NBEAL1: variants seen among roughly 807,000 people sequenced by gnomAD.
The protein encoded by NBEAL1 is neurobeachin-like protein 1.
NBEAL1 carries 273 observed loss-of-function variants against 351.3 expected under a neutral mutation model. The observed-to-expected ratio is 0.78, with a 90% CI of 0.70 to 0.86. The LOEUF (loss-of-function observed/expected upper bound fraction) is 0.86. NBEAL1 is among the 40% of genes least tolerant of loss of function. NBEAL1 has a pLI of 0.00. For missense variants in NBEAL1, 2,961 were observed against 3,201.3 expected, an observed-to-expected ratio of 0.92 and a Z score of 1.81; for synonymous variants, 1,050 against 1,086.4, an observed-to-expected ratio of 0.97 and a Z score of 0.66.
intron 39 of NBEAL1, among the ~76,000 whole-genome samples, chr2:203,170,620 G>T (rs1161816472): frequency 1.3e-5 from 2 of 152,114 alleles, no homozygotes; most frequent in South Asian, 2.1e-4. Context: ...CTTAATCAGG[G>T]TCTTTGCTTC....
intron 17 of NBEAL1, 141 bp downstream of exon 17, chr2:203,113,459 G>T (rs2062618010): frequency 3.6e-6 from 2 of 548,850 alleles, no homozygotes; most frequent in Non-Finnish European, 2.7e-6. Context: ...TGTTTTAATT[G>T]AAGCTGAAAG....
At chr2:203,200,900 C>T (rs1291264763) in intron 49 of NBEAL1, among the ~76,000 whole-genome samples, 1 of 152,120 alleles carries the variant, frequency 6.6e-6, no homozygotes, top group Non-Finnish European at 1.5e-5. Flanking sequence ...TTGCAAGAAG[C>T]ATATTCTCAG....
rs188755413 is a variant in NBEAL1 at position 203,038,612 on chromosome 2, A to G, written c.52-3153A>G. Reference sequence around the variant, plus strand: ...CATACAAGTCCCTGAGAATATTTTCAGCCAGTGTGGTTTGTCTTTCCATTT... The same window carrying G: ...CATACAAGTCCCTGAGAATATTTTCGGCCAGTGTGGTTTGTCTTTCCATTT... On this transcript the variant is annotated intron_variant, in intron 2 of 55. Coordinates refer to ENST00000683969, the MANE Select transcript of NBEAL1 (RefSeq NM_001378026.1). Among the ~76,000 whole-genome samples the G allele has an allele frequency of 2.7e-5, 4 of 149,066 alleles. No homozygotes were observed. In the East Asian group the frequency reaches 7.7e-4, roughly 29 times the overall value.
At chr2:203,021,800 A>T (rs1016867106) in intron 2 of NBEAL1, among the ~76,000 whole-genome samples, 5 of 152,118 alleles carry the variant, frequency 3.3e-5, no homozygotes, top group Non-Finnish European at 7.4e-5. Flanking sequence ...CTGTAATCCC[A>T]GCACTTTGGG....
chr2:203,168,691 T>A lies in NBEAL1; in HGVS notation c.5998-1056T>A, dbSNP rs1207225248. ...TGGCTGGATCACGAGGTCAAGAGTT[T>A]GAGACCAGCCTGCCCAACATGGTGA... is the stretch of plus-strand genomic sequence containing the variant. On this transcript the variant is annotated intron_variant, in intron 38 of 55. Coordinates refer to ENST00000683969, the MANE Select transcript of NBEAL1 (RefSeq NM_001378026.1). Among the ~76,000 whole-genome samples, 3 of 151,852 alleles carry A rather than the reference T, an allele frequency of 2.0e-5. No individual in the cohort carries two copies. The East Asian group carries it at 5.8e-4, about 29-fold the overall frequency.
rs897217053 is a variant in NBEAL1 at position 203,221,410 on chromosome 2, G to A, written c.*4056G>A. On this transcript the variant is annotated 3_prime_UTR_variant, in exon 56 of 56. Transcript: ENST00000683969. Reference sequence around the variant, plus strand: ...AATATATGTAATATGGGTGTCTGTTGGGGTTATGTGTGTGTAAAGATTGGT... The same window carrying A: ...AATATATGTAATATGGGTGTCTGTTAGGGTTATGTGTGTGTAAAGATTGGT... Among the ~76,000 whole-genome samples, 2 of 151,462 alleles carry A rather than the reference G, an allele frequency of 1.3e-5. No homozygotes were observed. The highest frequency in any genetic ancestry group is 1.3e-4 in the Admixed American group (2 of 15,190).
intron 4 of NBEAL1, among the ~76,000 whole-genome samples, chr2:203,052,727 T>TTTATTTAA (rs1323084644): frequency 6.3e-5 from 9 of 143,772 alleles, no homozygotes; most frequent in African/African-American, 2.2e-4. Flanking sequence ...CAGTTATTTA[T>TTTATTTAA]TTATTTATTT....
intron 8 of NBEAL1, among the ~76,000 whole-genome samples, chr2:203,080,588 G>A (rs1397973281): frequency 6.6e-6 from 1 of 151,868 alleles, no homozygotes; most frequent in Non-Finnish European, 1.5e-5. Flanking sequence ...AGCCTCCAGA[G>A]CACTAGTGAA....
intron 28 of NBEAL1, 44 bp from the exon 29 acceptor site, chr2:203,136,555 A>G (rs1480382595): frequency 7.1e-7 from 1 of 1,409,106 alleles, no homozygotes; most frequent in Non-Finnish European, 9.9e-7. Flanking sequence ...GCTTTGAACA[A>G]CTACACCCTC....
rs2065773068 is a variant in NBEAL1, at chr2:203,211,004, G to T, written c.7832G>T (p.Gly2611Val). Residue 2611 changes from glycine to valine, a missense_variant, in exon 54 of 56, where the codon GGG becomes GTG. By Grantham distance (109) the Gly-to-Val change is moderately radical. Coordinates refer to ENST00000683969, the MANE Select transcript of NBEAL1 (RefSeq NM_001378026.1). Reference sequence around the variant, plus strand: ...TTTTCTATAAATGGCAAGTATCTAGGGTCTCAAATCCTGAAGGAACAAGTA... The same window carrying T: ...TTTTCTATAAATGGCAAGTATCTAGTGTCTCAAATCCTGAAGGAACAAGTA... ...HLFSINGKYL[G>V]SQILKEQVSD... The T allele has an allele frequency of 2.5e-6, 4 of 1,601,518 alleles. No individual in the cohort carries two copies. The highest frequency in any genetic ancestry group is 3.4e-6 in the Non-Finnish European group (4 of 1,172,038).
At chr2:203,025,314 T>TA in intron 2 of NBEAL1, among the ~76,000 whole-genome samples, 1 of 152,212 alleles carries the variant, frequency 6.6e-6, no homozygotes. Context: ...TAAAAATTAA[T>TA]AAAAACAGGA....
At chr2:203,122,159 T>A in intron 18 of NBEAL1, 95 bp from the exon 19 acceptor site, 1 of 651,948 alleles carries the variant, frequency 1.5e-6, no homozygotes, top group Non-Finnish European at 2.5e-6. Context: ...GACTATCCTA[T>A]ATTCCTTTTT....
intron 2 of NBEAL1, among the ~76,000 whole-genome samples, chr2:203,018,117 T>C (rs1197969782): frequency 2.6e-5 from 4 of 152,110 alleles, no homozygotes; most frequent in African/African-American, 4.8e-5. Flanking sequence ...CTACCAAATA[T>C]ACCTCATAGA....
chr2:203,215,000 G>A (rs2065873379), intron 55 of NBEAL1, among the ~76,000 whole-genome samples: 1 of 152,178 alleles, frequency 6.6e-6, no homozygotes, highest in African/African-American at 2.4e-5. Context: ...AAAGAAGCAT[G>A]CCAAAGCCTC....
chr2:203,066,683 C>G (rs960985886), intron 6 of NBEAL1, among the ~76,000 whole-genome samples: 35 of 152,000 alleles, frequency 2.3e-4, no homozygotes, highest in African/African-American at 8.2e-4. Flanking sequence ...GGCAGAGGCG[C>G]TCCTCACTTC....
intron 37 of NBEAL1, 29 bp downstream of exon 37, chr2:203,166,326 G>A (rs2064129963): frequency 1.3e-6 from 2 of 1,585,414 alleles, no homozygotes; most frequent in Non-Finnish European, 1.7e-6. Context: ...AATAATTTTT[G>A]CTGTTCAATA....
chr2:203,224,562 T>C lies in NBEAL1; in HGVS notation c.*7208T>C, dbSNP rs1157833612. 6.6e-6 allele frequency among the ~76,000 whole-genome samples: 1 copy of C among 152,182 alleles called. No homozygotes were observed. The highest frequency in any genetic ancestry group is 1.5e-5 in the Non-Finnish European group (1 of 67,992). ...AGAGAGTGACAGTGACTTGAATGCA[T>C]GTATATGCACATAGTCAATTCAGAG... On this transcript the variant is annotated 3_prime_UTR_variant, in exon 56 of 56. Coordinates refer to ENST00000683969, the MANE Select transcript of NBEAL1 (RefSeq NM_001378026.1).
At chr2:203,050,254 A>C (rs2061304297) in intron 4 of NBEAL1, 1 of 202,454 alleles carries the variant, frequency 4.9e-6, no homozygotes, top group Non-Finnish European at 9.8e-6. Flanking sequence ...AAAAAGAAAA[A>C]ATAAGCTAAT....
At chr2:203,077,374 GA>G (rs1452175684) in intron 7 of NBEAL1, among the ~76,000 whole-genome samples, 2 of 146,822 alleles carry the variant, frequency 1.4e-5, no homozygotes, top group African/African-American at 2.5e-5. Flanking sequence ...CATCTCAAAG[GA>G]AAAAAAAAAG....
Sources: gnomAD v4.1 joint callset for allele counts (sites outside exome capture counted in the v4.1 genomes callset) on GRCh38, gnomAD v4.1.1 for gene constraint, MANE v1.5 for transcripts, NCBI Gene and HGNC (gene_info 2026-07-23, HGNC 2026-07-21) for gene names.